The following DYNC2I1 variants were observed in gnomAD, a reference collection of about 807,000 sequenced individuals.
DYNC2I1 encodes the protein dynein 2 intermediate chain 1, also known as cytoplasmic dynein 2 intermediate chain 1.
In DYNC2I1, 89 loss-of-function variants were observed where a neutral mutation model predicts 133.4. That is an observed-to-expected ratio of 0.67 (90% CI 0.56 to 0.80). DYNC2I1 has a LOEUF of 0.80. Among genes scored for constraint, DYNC2I1 ranks in the 30% least tolerant of loss-of-function variants. The pLI is 0.00. For synonymous variants in DYNC2I1, 504 were observed against 484.3 expected (o/e 1.04, Z -0.54); for missense variants, 1,291 against 1,314.5 (o/e 0.98, Z 0.28).
At chr7:158,920,441 C>T (rs377142012) in intron 15 of DYNC2I1, among the ~76,000 whole-genome samples, 2 of 151,734 alleles carry the variant, frequency 1.3e-5, no homozygotes, top group East Asian at 3.9e-4. Flanking sequence ...TCTGGGAACA[C>T]GTGAAGTATG....
intron 15 of DYNC2I1, among the ~76,000 whole-genome samples, chr7:158,920,835 TGTAGAGATA>T (rs1323334946): frequency 1.3e-5 from 2 of 152,172 alleles, no homozygotes; most frequent in Non-Finnish European, 2.9e-5. Context: ...TGTGATCAGA[TGTAGAGATA>T]CTTCAGCCTT....
chr7:158,880,035 G>A (rs775735773), intron 5 of DYNC2I1, 46 bp downstream of exon 5: 13 of 1,533,972 alleles, frequency 8.5e-6, no homozygotes, highest in Admixed American at 6.7e-5. Context: ...CCCCGAGGCC[G>A]GCGCTTTCAG....
intron 14 of DYNC2I1, among the ~76,000 whole-genome samples, chr7:158,914,917 G>C (rs967611319): frequency 6.6e-6 from 1 of 152,206 alleles, no homozygotes; most frequent in Non-Finnish European, 1.5e-5. Context: ...AGAGTAATTA[G>C]TAATAACTTA....
rs1445359354 is a variant in DYNC2I1, at chr7:158,952,905, G to A, written c.*57-3678G>A. Among the ~76,000 whole-genome samples, 10 of 152,180 alleles carry A rather than the reference G, an allele frequency of 6.6e-5. No homozygotes were observed. In the East Asian group the frequency reaches 7.7e-4, roughly 12 times the overall value. The stretch of plus-strand genomic sequence containing the variant: ...CCAGGGTGCGCCCCCTTGAAACTCC[G>A]TGAGCCTCAGCGCCTGCTGTGCACG... On this transcript the variant is annotated intron_variant and NMD_transcript_variant, in intron 4 of 4. Coordinates refer to the DYNC2I1 transcript ENST00000454771.
intron 8 of DYNC2I1, among the ~76,000 whole-genome samples, chr7:158,892,936 C>G (rs955174601): frequency 6.3e-5 from 8 of 126,440 alleles, no homozygotes; most frequent in African/African-American, 2.4e-4. Flanking sequence ...AAAACTCCAT[C>G]TCAAAAAAAA....
intron 10 of DYNC2I1, chr7:158,902,800 C>A: frequency 1.8e-6 from 1 of 567,486 alleles, no homozygotes; most frequent in Non-Finnish European, 3.1e-6. Flanking sequence ...AATTCTCTTA[C>A]ACAGAGAAGT....
chr7:158,901,534 C>G (rs1383865014), intron 8 of DYNC2I1, among the ~76,000 whole-genome samples: 1 of 152,166 alleles, frequency 6.6e-6, no homozygotes, highest in Non-Finnish European at 1.5e-5. Flanking sequence ...AGGATGTTTA[C>G]TGTTTTCTCT....
intron 7 of DYNC2I1, 76 bp downstream of exon 7, chr7:158,887,151 C>G (rs1844688238): frequency 6.7e-7 from 1 of 1,485,192 alleles, no homozygotes; most frequent in South Asian, 1.2e-5. Context: ...TTGGGCTTCC[C>G]CTTGAAACCA....
the DYNC2I1 span, among the ~76,000 whole-genome samples, chr7:158,839,884 CATCTT>C: frequency 6.6e-6 from 1 of 151,986 alleles, no homozygotes; most frequent in Non-Finnish European, 1.5e-5. Flanking sequence ...CAGCCTCCAT[CATCTT>C]GTCTCGCGGC....
intron 14 of DYNC2I1, among the ~76,000 whole-genome samples, chr7:158,915,035 G>A (rs1411819875): frequency 4.6e-5 from 7 of 151,748 alleles, no homozygotes; most frequent in African/African-American, 9.7e-5. Context: ...AGAGTGGAAC[G>A]TTGTGAAACC....
chr7:158,957,476 T>C (rs564875838), downstream of DYNC2I1, among the ~76,000 whole-genome samples: 6 of 152,324 alleles, frequency 3.9e-5, no homozygotes, highest in East Asian at 1.2e-3. Flanking sequence ...ACCAGGTAGC[T>C]CCTGAACAGA....
intron 10 of DYNC2I1, chr7:158,903,222 C>T (rs1846415487): frequency 6.6e-6 from 1 of 152,122 alleles, no homozygotes; most frequent in Non-Finnish European, 1.5e-5. Flanking sequence ...TCTTTTTTTC[C>T]TACAAGGACC....
intron 1 of DYNC2I1, among the ~76,000 whole-genome samples, chr7:158,857,163 AG>A (rs1341271457): frequency 6.6e-6 from 1 of 152,226 alleles, no homozygotes; most frequent in Non-Finnish European, 1.5e-5. Context: ...GAGAGAGTGC[AG>A]CCTGGGTGCT....
At chr7:158,949,774 CT>C (rs10573905), downstream of DYNC2I1, among the ~76,000 whole-genome samples, 2,144 of 146,800 alleles carry the variant, frequency 0.015, 26 homozygotes, top group Middle Eastern at 0.025. Flanking sequence ...TTCATTTTTC[CT>C]TTTTTTTTTT....
In DYNC2I1 at chr7:158,914,222, G is replaced by C; in HGVS notation, c.1703-11G>C. ...CGACTTCGTTGATTTTATATAAACT[G>C]TTTTTTTTAGGCAGTGAACAAAGAG... On this transcript the variant is annotated splice_polypyrimidine_tract_variant and intron_variant, in intron 13 of 24. Transcript: ENST00000407559. The C allele has an allele frequency of 6.3e-7, 1 of 1,598,880 alleles. No homozygotes were observed. Among genetic ancestry groups the C allele is most frequent in the East Asian group, 2.2e-5 (1 of 44,630 alleles).
intron 1 of DYNC2I1, among the ~76,000 whole-genome samples, chr7:158,865,061 A>G (rs1842282977): frequency 6.6e-6 from 1 of 152,160 alleles, no homozygotes; most frequent in Non-Finnish European, 1.5e-5. Flanking sequence ...CAGAGCGCGG[A>G]AGCCCTCACA....
In DYNC2I1 at chr7:158,876,614, A is replaced by C. The variant is rs1584995908; in HGVS notation, c.496A>C (p.Lys166Gln). Residue 166 changes from lysine to glutamine, a missense_variant, in exon 4 of 25, where the codon AAA (lysine) becomes CAA (glutamine). Transcript: ENST00000407559. ...RAERKGRSVS[K>Q]VRSEEKDEDS... The stretch of plus-strand genomic sequence containing the variant: ...ATATGTTTTACTTCTTGTAGTAAGT[A>C]AAGTAAGAAGTGAAGAGAAAGATGA... 1.9e-6 allele frequency: 3 copies of C among 1,570,318 alleles called. No individual in the cohort carries two copies. Among genetic ancestry groups the C allele is most frequent in the Non-Finnish European group, 2.6e-6 (3 of 1,165,894 alleles).
intron 21 of DYNC2I1, among the ~76,000 whole-genome samples, chr7:158,930,752 TCTGCCTCC>T (rs1850142169): frequency 6.6e-6 from 1 of 152,210 alleles, no homozygotes; most frequent in African/African-American, 2.4e-5. Context: ...TGCTGCAAAC[TCTGCCTCC>T]CTGGTTCAAG....
chr7:158,859,728 GC>G (rs1841706586), intron 1 of DYNC2I1, among the ~76,000 whole-genome samples: 1 of 151,914 alleles, frequency 6.6e-6, no homozygotes, highest in South Asian at 2.1e-4. Context: ...GTCTTGATCC[GC>G]CCACCTCGGC....
Sources: gnomAD v4.1 joint callset for allele counts (sites outside exome capture counted in the v4.1 genomes callset) on GRCh38, gnomAD v4.1.1 for gene constraint, MANE v1.5 for transcripts, NCBI Gene and HGNC (gene_info 2026-07-23, HGNC 2026-07-21) for gene names.